HEATR5B: variants seen among roughly 807,000 people sequenced by gnomAD.
HEATR5B encodes the protein HEAT repeat-containing protein 5B.
Under a neutral mutation model 224.1 loss-of-function variants are expected in HEATR5B, and 156 were observed. The ratio of observed to expected loss-of-function variants is 0.70; its 90% CI spans 0.61 to 0.80. The LOEUF is 0.80. Among genes scored for constraint, HEATR5B ranks in the 30% least tolerant of loss-of-function variants. The pLI is 0.00. For synonymous variants in HEATR5B, 1,027 were observed against 893.0 expected (o/e 1.15, Z -2.68); for missense variants, 2,323 against 2,535.5 (o/e 0.92, Z 1.80).
rs987830039 is a variant in HEATR5B, at chr2:37,028,905, G to A, written c.3377C>T (p.Ala1126Val). 2 of 1,613,796 alleles carry A rather than the reference G, an allele frequency of 1.2e-6. No individual in the cohort carries two copies. The highest frequency in any genetic ancestry group is 1.7e-6 in the Non-Finnish European group (2 of 1,179,772). ...ESSSANVSPF[A>V]PGVSSRTDIH... ...ATCAGTTCGAGAACTAACCCCAGGG[G>A]CAAAAGGACTGACATCTGAAAGGTA... Residue 1126 changes from alanine to valine, a missense_variant, in exon 23 of 36, where the codon GCC becomes GTC. Physicochemically the swap from Ala to Val is moderately conservative, Grantham distance 64. Transcript: ENST00000233099.
chr2:37,074,393 G>T lies in HEATR5B; in HGVS notation c.597+1092C>A, dbSNP rs923923586. Among the ~76,000 whole-genome samples the T allele has an allele frequency of 5.5e-5, 8 of 146,302 alleles. No individual in the cohort carries two copies. In the East Asian group the frequency reaches 8.2e-4, roughly 15 times the overall value. On this transcript the variant is annotated intron_variant, in intron 5 of 35. Coordinates refer to ENST00000233099, the MANE Select transcript of HEATR5B (RefSeq NM_019024.3). Reference sequence around the variant, plus strand: ...ATTGAAAAAAAAAACAAAAAATTTTGATTCAAACCTTGCAACATATACAAA... The same window carrying T: ...ATTGAAAAAAAAAACAAAAAATTTTTATTCAAACCTTGCAACATATACAAA...
At chr2:37,054,116 A>ATT (rs1200007755) in intron 16 of HEATR5B, among the ~76,000 whole-genome samples, 1 of 151,002 alleles carries the variant, frequency 6.6e-6, no homozygotes, top group Non-Finnish European at 1.5e-5. Context: ...CCAGAAGTGA[A>ATT]TTGTTTTTTA....
At chr2:37,084,053 C>G (rs1444985937) in intron 1 of HEATR5B, among the ~76,000 whole-genome samples, 1 of 152,162 alleles carries the variant, frequency 6.6e-6, no homozygotes, top group African/African-American at 2.4e-5. Flanking sequence ...CTCCAAGAAC[C>G]GCAAGCGGCG....
intron 7 of HEATR5B, 37 bp downstream of exon 7, chr2:37,070,193 C>T: frequency 1.2e-6 from 2 of 1,609,082 alleles, no homozygotes; most frequent in Non-Finnish European, 1.7e-6. Context: ...AGCCACCGTG[C>T]CTGGCCAAAA....
At chr2:37,041,614 C>G (rs113863385) in intron 18 of HEATR5B, among the ~76,000 whole-genome samples, 15 of 152,174 alleles carry the variant, frequency 9.9e-5, no homozygotes, top group African/African-American at 3.6e-4. Context: ...GTCATGGCAG[C>G]GCATGCCTGT....
intron 31 of HEATR5B, among the ~76,000 whole-genome samples, 194 bp downstream of exon 31, chr2:37,003,348 G>A (rs2148379917): frequency 6.6e-6 from 1 of 151,526 alleles, no homozygotes; most frequent in Admixed American, 6.6e-5. Context: ...TAAGGCAGGA[G>A]GATCCTAAGC....
At position 37,077,127 on chromosome 2, in the gene HEATR5B, A is replaced by G. The variant is rs1672283641; in HGVS notation, c.339-108T>C. ...ATTTGTCTAGGACACTTTTGGCTATAATCCTTAATTTCAACTATCAAAAAC... is the reference window on the plus strand; with the variant it reads ...ATTTGTCTAGGACACTTTTGGCTATGATCCTTAATTTCAACTATCAAAAAC... On this transcript the variant is annotated intron_variant, in intron 3 of 35. Coordinates refer to ENST00000233099, the MANE Select transcript of HEATR5B (RefSeq NM_019024.3). The G allele has an allele frequency of 3.4e-6, 3 of 881,774 alleles. No homozygotes were observed. In the Admixed American group the frequency reaches 7.5e-5, roughly 22 times the overall value. 54.6% of individuals were successfully genotyped at this position (881,774 alleles called of 1,614,324 possible). A position where few individuals can be genotyped will look rare whatever the true frequency, so the allele number is the denominator to read the frequency against.
intron 12 of HEATR5B, among the ~76,000 whole-genome samples, chr2:37,059,596 T>G (rs1671151372): frequency 6.6e-6 from 1 of 150,402 alleles, no homozygotes; most frequent in Admixed American, 6.7e-5. Context: ...CCTGAGTAGC[T>G]GGGACTACAG....
At chr2:37,045,185 T>C in intron 18 of HEATR5B, among the ~76,000 whole-genome samples, 1 of 151,644 alleles carries the variant, frequency 6.6e-6, no homozygotes, top group East Asian at 1.9e-4. Flanking sequence ...TAATTTCATC[T>C]TTTTTTTTCA....
Position 36,997,724 on chromosome 2 carries a change from G to A in HEATR5B, c.5545+2862C>T, listed in dbSNP as rs180868661. Among the ~76,000 whole-genome samples the A allele has an allele frequency of 4.5e-3, 681 of 152,098 alleles. 6 individuals carry two copies. The highest frequency in any genetic ancestry group is 0.014 in the Middle Eastern group (4 of 292). On this transcript the variant is annotated intron_variant, in intron 33 of 35. Transcript: ENST00000233099. ...TGGGACTACAGGCGCCCGCCACCAC[G>A]CCCAGCTAATTTTTTGTATCTTTAG... is the stretch of plus-strand genomic sequence containing the variant.
rs1287922089 is a variant in HEATR5B at position 37,068,829 on chromosome 2, T to C, written c.1029A>G (p.Ala343=). The C allele has an allele frequency of 1.2e-6, 2 of 1,613,990 alleles. No homozygotes were observed. Among genetic ancestry groups the C allele is most frequent in the Non-Finnish European group, 8.5e-7 (1 of 1,180,020 alleles). ...ACACAGCCTCCACATGTGTTTGTGT[T>C]GCCCGAGGATGGGAAACCAGATCAA... is the stretch of plus-strand genomic sequence containing the variant. ...HVLDLVSHPR[A]TQTHVEAVYS... The change falls in exon 8 of 36, where the codon GCA becomes GCG. Residue 343 remains alanine, a synonymous_variant. Transcript: ENST00000233099.
chr2:37,057,240 T>TATAGAC, intron 15 of HEATR5B, 77 bp downstream of exon 15: 1 of 1,120,858 alleles, frequency 8.9e-7, no homozygotes, highest in Admixed American at 2.9e-5. Flanking sequence ...TACACTATTT[T>TATAGAC]CTTTTTAAGT....
At chr2:36,984,215 A>AAAAAAAAAAAAAAAAAAAAAAAATATAT in intron 35 of HEATR5B, among the ~76,000 whole-genome samples, 3 of 77,642 alleles carry the variant, frequency 3.9e-5, no homozygotes, top group Admixed American at 1.4e-4. Context: ...AAAAAAAAAA[A>AAAAAAAAAAAAAAAAAAAAAAAATATAT]ATATATATAT....
chr2:36,994,056 T>C (rs1462416798), intron 33 of HEATR5B, among the ~76,000 whole-genome samples: 1 of 152,186 alleles, frequency 6.6e-6, no homozygotes, highest in Non-Finnish European at 1.5e-5. Context: ...TGGAAGGGAA[T>C]GTCCTTGTTC....
intron 22 of HEATR5B, among the ~76,000 whole-genome samples, chr2:37,029,661 C>A: frequency 6.6e-6 from 1 of 151,778 alleles, no homozygotes; most frequent in Admixed American, 6.6e-5. Context: ...TGAAACTCCA[C>A]TGGGCACAGT....
At chr2:37,032,856 A>G in intron 21 of HEATR5B, 83 bp from the exon 22 acceptor site, 1 of 1,040,128 alleles carries the variant, frequency 9.6e-7, no homozygotes, top group Non-Finnish European at 1.4e-6. Context: ...ATATATATAT[A>G]CATACATACA....
At chr2:37,076,558 G>A (rs1204495645) in intron 4 of HEATR5B, among the ~76,000 whole-genome samples, 1 of 151,096 alleles carries the variant, frequency 6.6e-6, no homozygotes, top group Non-Finnish European at 1.5e-5. Context: ...CCAGAACTGT[G>A]AGACAATAAA....
chr2:37,060,277 T>A (rs560836112), intron 12 of HEATR5B, among the ~76,000 whole-genome samples: 4 of 152,274 alleles, frequency 2.6e-5, no homozygotes, highest in African/African-American at 9.6e-5. Flanking sequence ...TTCTTTTTTT[T>A]ATACATGGTG....
intron 29 of HEATR5B, 118 bp downstream of exon 29, chr2:37,006,932 T>A: frequency 1.1e-6 from 1 of 900,286 alleles, no homozygotes. Flanking sequence ...GAAAAATCCT[T>A]TCACTTTTCC....
Sources: allele counts gnomAD v4.1 joint callset (sites outside exome capture counted in the v4.1 genomes callset), GRCh38; gene constraint gnomAD v4.1.1; transcripts MANE v1.5; gene names NCBI Gene and HGNC (gene_info 2026-07-23, HGNC 2026-07-21).